Variants in ALDH18A1 observed in about 807,000 individuals in gnomAD.
ALDH18A1 encodes delta-1-pyrroline-5-carboxylate synthase.
A neutral mutation model predicts 88.8 loss-of-function variants in ALDH18A1; 44 were observed. That is an observed-to-expected ratio of 0.50 (90% CI 0.39 to 0.64). The LOEUF (loss-of-function observed/expected upper bound fraction) is 0.64, where lower values mean the gene tolerates loss of function less well. ALDH18A1 is among the 30% of genes least tolerant of loss of function. The pLI is 0.00. For missense variants in ALDH18A1, 782 were observed against 1,009.5 expected, an observed-to-expected ratio of 0.77 and a Z score of 3.05; for synonymous variants, 331 against 372.1, an observed-to-expected ratio of 0.89 and a Z score of 1.27.
chr10:95,621,270 G>A lies in ALDH18A1; in HGVS notation c.1247-19C>T. ...AGTCTCCCTGAAAAGCCATTAAGAGGATATGATAAAGTAGCAGACCTGGCA... is the reference window on the plus strand; with the variant it reads ...AGTCTCCCTGAAAAGCCATTAAGAGAATATGATAAAGTAGCAGACCTGGCA... On this transcript the variant is annotated intron_variant, in intron 11 of 17. Transcript: ENST00000371224. The A allele has an allele frequency of 6.2e-7, 1 of 1,601,304 alleles. No homozygotes were observed. The highest frequency in any genetic ancestry group is 8.5e-7 in the Non-Finnish European group (1 of 1,172,930).
Position 95,627,444 on chromosome 10 carries a change from G to T in ALDH18A1, c.1076C>A (p.Ala359Glu). Residue 359 changes from alanine to glutamate, a missense_variant and splice_region_variant, in exon 9 of 18, where the codon GCA (alanine) becomes GAA (glutamate). By Grantham distance (107) the Ala-to-Glu change is moderately radical (BLOSUM62 -1). Around this residue, in one of 3 missense-constraint regions of ALDH18A1, gnomAD observed 556 missense variants for 654.5 expected, o/e 0.85. Transcript: ENST00000371224. ...VGTFFSEVKP[A>E]GPTVEQQGEM... ...GGACCTTATGAAGAACTATTTACCT[G>T]CAGGCTTTACTTCTGAAAAGAAGGT... is the stretch of plus-strand genomic sequence containing the variant. 6.2e-7 allele frequency: 1 copy of T among 1,614,058 alleles called. No individual in the cohort carries two copies. The highest frequency in any genetic ancestry group is 1.1e-5 in the South Asian group (1 of 91,080).
chr10:95,622,229 A>AGT (rs1325899441), intron 11 of ALDH18A1, among the ~76,000 whole-genome samples: 1 of 152,206 alleles, frequency 6.6e-6, no homozygotes, highest in Non-Finnish European at 1.5e-5. Flanking sequence ...ACAGGGTCTC[A>AGT]GTGTGCCGCC....
intron 5 of ALDH18A1, 38 bp downstream of exon 5, chr10:95,637,055 C>A (rs1267820871): frequency 6.3e-7 from 1 of 1,596,028 alleles, no homozygotes; most frequent in South Asian, 1.1e-5. Flanking sequence ...CAACCACCCT[C>A]ACAGGTCCCA....
intron 7 of ALDH18A1, among the ~76,000 whole-genome samples, chr10:95,631,143 A>C (rs1018312827): frequency 1.3e-5 from 2 of 152,196 alleles, no homozygotes; most frequent in African/African-American, 4.8e-5. Context: ...CAGACTGTGA[A>C]ATGGAAATAG....
chr10:95,616,783 C>T, intron 12 of ALDH18A1, 169 bp from the exon 13 acceptor site: 1 of 920,354 alleles, frequency 1.1e-6, no homozygotes, highest in Non-Finnish European at 1.7e-6. Flanking sequence ...CCTGTTTTAT[C>T]CCCTACTTTA....
chr10:95,612,968 C>T (rs2097838001), intron 15 of ALDH18A1, among the ~76,000 whole-genome samples: 1 of 152,194 alleles, frequency 6.6e-6, no homozygotes. Context: ...CCTTTCCAGT[C>T]AAAGGATGGA....
In ALDH18A1 at chr10:95,650,198, T is replaced by C. The variant is rs979374116; in HGVS notation, c.88+3092A>G. 2.0e-5 allele frequency among the ~76,000 whole-genome samples: 3 copies of C among 152,104 alleles called. No individual in the cohort carries two copies. The South Asian group carries it at 6.2e-4, about 32-fold the overall frequency. ...GAGTTCTTAGACTTGACCCCAAAAG[T>C]ACAATCCATAAAAACAAAAGCTGAT... is the stretch of plus-strand genomic sequence containing the variant. On this transcript the variant is annotated intron_variant, in intron 2 of 17. Coordinates refer to ENST00000371224, the MANE Select transcript of ALDH18A1 (RefSeq NM_002860.4).
At chr10:95,638,117 G>C (rs1229073994) in intron 3 of ALDH18A1, among the ~76,000 whole-genome samples, 2 of 152,104 alleles carry the variant, frequency 1.3e-5, no homozygotes, top group Admixed American at 1.3e-4. Context: ...AGGCTCAAGT[G>C]ATCCTCCTGC....
chr10:95,632,979 A>C lies in ALDH18A1; in HGVS notation c.788T>G (p.Ile263Ser). ...TGTACCTTCTACATCTGAAAGAACA[A>C]TCAAGAGATCAGTTTTCATTTCCAC... The part of the protein sequence containing the change: ...LAVEMKTDLL[I>S]VLSDVEGLFD... The change falls in exon 7 of 18, where the codon ATT becomes AGT. Residue 263 changes from isoleucine (I) to serine (S), a missense_variant. Ile to Ser is a moderately radical substitution (Grantham distance 142, BLOSUM62 -2). Transcript: ENST00000371224. 1 of 1,614,162 alleles carries C rather than the reference A, an allele frequency of 6.2e-7. No homozygotes were observed.
At chr10:95,634,493 T>C (rs1331833478) in intron 5 of ALDH18A1, among the ~76,000 whole-genome samples, 1 of 152,216 alleles carries the variant, frequency 6.6e-6, no homozygotes, top group Non-Finnish European at 1.5e-5. Flanking sequence ...TGAAAGTGTA[T>C]TAGACAAAAT....
chr10:95,654,067 G>A (rs994237825), intron 1 of ALDH18A1, among the ~76,000 whole-genome samples: 1 of 152,072 alleles, frequency 6.6e-6, no homozygotes, highest in African/African-American at 2.4e-5. Flanking sequence ...CTCACCCTGG[G>A]TCAAATTTGA....
At chr10:95,633,809 A>ATTC (rs1382884642) in intron 5 of ALDH18A1, among the ~76,000 whole-genome samples, 160 bp from the exon 6 acceptor site, 13 of 121,148 alleles carry the variant, frequency 1.1e-4, no homozygotes, top group Admixed American at 2.4e-4. Context: ...GTGCTATCCA[A>ATTC]TTCTTTTTTT....
In ALDH18A1 at chr10:95,613,790, G is replaced by A; in HGVS notation, c.1875C>T (p.Leu625=). 1.2e-6 allele frequency: 2 copies of A among 1,614,134 alleles called. No individual in the cohort carries two copies. Among genetic ancestry groups the A allele is most frequent in the South Asian group, 1.1e-5 (1 of 91,070 alleles). Residue 625 remains leucine, a synonymous_variant, in exon 15 of 18, where the codon CTC becomes CTT. Coordinates refer to ENST00000371224, the MANE Select transcript of ALDH18A1 (RefSeq NM_002860.4). ...TGATCTGGTCAAATAATGGTGTCCTGAGCAGATCCCGGTGGATTAACAAAG... is the reference window on the plus strand; with the variant it reads ...TGATCTGGTCAAATAATGGTGTCCTAAGCAGATCCCGGTGGATTAACAAAG... ...LETLLIHRDL[L]RTPLFDQIID...
At chr10:95,653,031 A>C (rs1294314060) in intron 2 of ALDH18A1, among the ~76,000 whole-genome samples, 1 of 151,968 alleles carries the variant, frequency 6.6e-6, no homozygotes, top group Non-Finnish European at 1.5e-5. Flanking sequence ...GACAAAAAAT[A>C]AAAAAGTTAG....
intron 7 of ALDH18A1, among the ~76,000 whole-genome samples, chr10:95,631,487 G>A (rs1261685498): frequency 6.6e-6 from 1 of 152,114 alleles, no homozygotes; most frequent in Non-Finnish European, 1.5e-5. Context: ...GCTCACACCT[G>A]TAATCCCAGC....
chr10:95,611,141 A>G (rs1378062678), intron 16 of ALDH18A1, 115 bp downstream of exon 16: 13 of 1,269,770 alleles, frequency 1.0e-5, no homozygotes, highest in Non-Finnish European at 1.5e-5. Flanking sequence ...ACTACTAAAC[A>G]TTACCATAAG....
Position 95,626,671 on chromosome 10 carries a change from A to T in ALDH18A1, c.1152+32T>A, listed in dbSNP as rs1430246509. The T allele has an allele frequency of 1.9e-6, 3 of 1,608,658 alleles. No individual in the cohort carries two copies. The African/African-American group carries it at 4.0e-5, about 22-fold the overall frequency. On this transcript the variant is annotated intron_variant, in intron 10 of 17. Coordinates refer to ENST00000371224, the MANE Select transcript of ALDH18A1 (RefSeq NM_002860.4). The stretch of plus-strand genomic sequence containing the variant: ...CTACACAGCATGACTCACTCTGAAA[A>T]CTATAACAATATTATCACCTAAGGT...
At chr10:95,646,911 T>A (rs2097902242) in intron 2 of ALDH18A1, among the ~76,000 whole-genome samples, 1 of 152,164 alleles carries the variant, frequency 6.6e-6, no homozygotes, top group Non-Finnish European at 1.5e-5. Context: ...TTCTTCAGCA[T>A]CAGAATCCTT....
intron 5 of ALDH18A1, among the ~76,000 whole-genome samples, chr10:95,634,631 A>T (rs1028251643): frequency 6.6e-6 from 1 of 152,202 alleles, no homozygotes; most frequent in African/African-American, 2.4e-5. Context: ...TCACAAGCTG[A>T]AAGGGGGGCA....
Sources: gnomAD v4.1 joint callset for allele counts (sites outside exome capture counted in the v4.1 genomes callset) on GRCh38, gnomAD v4.1.1 for gene constraint, gnomAD v4.1.1 regional missense constraint, MANE v1.5 for transcripts, NCBI Gene and HGNC (gene_info 2026-07-23, HGNC 2026-07-21) for gene names.